SRRM3: variants seen among roughly 807,000 people sequenced by gnomAD.
SRRM3 encodes the protein serine/arginine repetitive matrix protein 3.
SRRM3 carries 27 observed loss-of-function variants against 66.2 expected under a neutral mutation model. The ratio of observed to expected loss-of-function variants is 0.41; its 90% CI spans 0.30 to 0.56. The LOEUF (loss-of-function observed/expected upper bound fraction) is 0.56, where lower values mean the gene tolerates loss of function less well. SRRM3 is among the 20% of genes least tolerant of loss of function. The pLI, the probability that SRRM3 is intolerant of heterozygous loss-of-function variation, is 0.32. For missense variants in SRRM3, 918 were observed against 991.9 expected (o/e 0.93, Z 1.00); for synonymous variants, 391 against 414.9 (o/e 0.94, Z 0.70).
intron 1 of SRRM3, among the ~76,000 whole-genome samples, chr7:76,217,537 G>A (rs1002966828): frequency 1.3e-5 from 2 of 152,052 alleles, no homozygotes; most frequent in African/African-American, 2.4e-5. Context: ...CACCCACCTC[G>A]GCCTCCCAAT....
intron 11 of SRRM3, among the ~76,000 whole-genome samples, chr7:76,279,434 C>T (rs1802440560): frequency 6.6e-6 from 1 of 151,298 alleles, no homozygotes; most frequent in Admixed American, 6.6e-5. Flanking sequence ...CCTGGAGGTG[C>T]TAAAAGTCAA....
intron 9 of SRRM3, 68 bp downstream of exon 9, chr7:76,264,883 T>A: frequency 6.5e-7 from 1 of 1,531,066 alleles, no homozygotes; most frequent in Non-Finnish European, 9.0e-7. Flanking sequence ...CTACGCCTTT[T>A]AGAATCACAG....
chr7:76,209,095 T>C lies in SRRM3; in HGVS notation c.-40+7028T>C, dbSNP rs529084549. Among the ~76,000 whole-genome samples the C allele has an allele frequency of 7.9e-5, 12 of 152,150 alleles. No homozygotes were observed. In the East Asian group the frequency reaches 2.3e-3, roughly 29 times the overall value. On this transcript the variant is annotated intron_variant, in intron 1 of 14. Transcript: ENST00000611745. Reference sequence around the variant, plus strand: ...GCCTGGGTGACAGAGCAAGATCCTGTCTCCAAAAAAGCACCCCAGGAAGGG... The same window carrying C: ...GCCTGGGTGACAGAGCAAGATCCTGCCTCCAAAAAAGCACCCCAGGAAGGG...
rs1802562277 is a variant in SRRM3 at position 76,282,825 on chromosome 7, G to A, written c.1548G>A (p.Arg516=). The change falls in exon 13 of 15, where the codon CGG becomes CGA. Residue 516 remains arginine (R), a synonymous_variant. Transcript: ENST00000611745. Reference sequence around the variant, plus strand: ...CTCGCTCGCGCTCTGCGGAGAAGCGGCCCCACAGCCCCAGCCGCTCGCCGT... The same window carrying A: ...CTCGCTCGCGCTCTGCGGAGAAGCGACCCCACAGCCCCAGCCGCTCGCCGT... The part of the protein sequence containing the change: ...SKSRSRSAEK[R]PHSPSRSPSP... The A allele has an allele frequency of 1.4e-6, 2 of 1,459,812 alleles. No individual in the cohort carries two copies. The highest frequency in any genetic ancestry group is 1.8e-6 in the Non-Finnish European group (2 of 1,111,422). The allele number at this position is 1,459,812 out of a possible 1,614,324, so 90.4% of individuals were successfully genotyped here. A position where few individuals can be genotyped will look rare whatever the true frequency, so the allele number is the denominator to read the frequency against.
intron 10 of SRRM3, among the ~76,000 whole-genome samples, chr7:76,266,259 T>TATATATATAA (rs1554609604): frequency 4.1e-4 from 50 of 121,662 alleles, no homozygotes; most frequent in Non-Finnish European, 5.2e-4. Flanking sequence ...ATATATTTAA[T>TATATATATAA]ATATTTATAT....
intron 11 of SRRM3, among the ~76,000 whole-genome samples, chr7:76,279,943 G>A (rs1472120987): frequency 2.0e-5 from 3 of 152,036 alleles, no homozygotes; most frequent in African/African-American, 4.8e-5. Flanking sequence ...CCTAGAATGG[G>A]GTGGTTGCGT....
intron 1 of SRRM3, 187 bp from the exon 2 acceptor site, chr7:76,234,841 C>A: frequency 1.8e-6 from 1 of 547,820 alleles, no homozygotes; most frequent in Non-Finnish European, 3.2e-6. Flanking sequence ...CAGTGTCCAA[C>A]CCACTCGTGC....
At chr7:76,216,867 G>T (rs1800582680) in intron 1 of SRRM3, among the ~76,000 whole-genome samples, 1 of 152,206 alleles carries the variant, frequency 6.6e-6, no homozygotes, top group South Asian at 2.1e-4. Flanking sequence ...CGATGGGAAA[G>T]TCAGTGATGC....
chr7:76,212,357 ATGTTGCCCAGGCTAGTCT>A (rs1800455085), intron 1 of SRRM3, among the ~76,000 whole-genome samples: 1 of 122,586 alleles, frequency 8.2e-6, no homozygotes. Context: ...GTGTTTTGCT[ATGTTGCCCAGGCTAGTCT>A]TGAACTCCTG....
rs111237063 is a variant in SRRM3 at position 76,277,019 on chromosome 7, G to C, written c.1009-4422G>C. Among the ~76,000 whole-genome samples, 293 of 152,330 alleles carry C rather than the reference G, an allele frequency of 1.9e-3. 9 individuals carry two copies. The South Asian group carries it at 0.036, about 19-fold the overall frequency. On this transcript the variant is annotated intron_variant, in intron 11 of 14. Transcript: ENST00000611745. ...CACCGTCAGGTGACTGCCTTAAGGC[G>C]TCACAACAAACTCACACCAGGGCCG...
In SRRM3 at chr7:76,261,456, G is replaced by A. The variant is rs190773164; in HGVS notation, c.638+42G>A. On this transcript the variant is annotated intron_variant, in intron 7 of 14. Transcript: ENST00000611745. ...CACCCTGGGGCCTCCTCTTCCTCCC[G>A]TGGGGCCCAGGGCCAGGGCTGTGGC... 547 of 1,598,562 alleles carry A rather than the reference G, an allele frequency of 3.4e-4. 1 individual carries two copies. The highest frequency in any genetic ancestry group is 2.8e-3 in the Middle Eastern group (17 of 6,052).
intron 1 of SRRM3, among the ~76,000 whole-genome samples, chr7:76,213,586 C>T (rs1182517191): frequency 6.6e-6 from 1 of 152,068 alleles, no homozygotes; most frequent in Admixed American, 6.6e-5. Context: ...GTTGTCAGTG[C>T]AAGCATGGGG....
At chr7:76,226,312 A>T (rs1800863133) in intron 1 of SRRM3, among the ~76,000 whole-genome samples, 1 of 152,190 alleles carries the variant, frequency 6.6e-6, no homozygotes, top group Admixed American at 6.5e-5. Context: ...CCCAGCCAGG[A>T]GGCTGGGAAA....
intron 8 of SRRM3, among the ~76,000 whole-genome samples, chr7:76,262,307 A>C (rs1801894128): frequency 6.6e-6 from 1 of 151,960 alleles, no homozygotes; most frequent in African/African-American, 2.4e-5. Flanking sequence ...GGAGTTTGAC[A>C]CCAGCCTGGA....
rs1391478269 is a variant in SRRM3 at position 76,262,015 on chromosome 7, G to A, written c.674+434G>A. On this transcript the variant is annotated intron_variant, in intron 8 of 14. Coordinates refer to ENST00000611745, the MANE Select transcript of SRRM3 (RefSeq NM_001110199.3). ...CTAGAGGTAGAGTTTCTCGGGGACA[G>A]GTGCTAGCCTCCCAACAGGTTTGAC... Among the ~76,000 whole-genome samples, 7 of 152,106 alleles carry A rather than the reference G, an allele frequency of 4.6e-5. 1 individual carries two copies. Among genetic ancestry groups the A allele is most frequent in the African/African-American group, 1.7e-4 (7 of 41,508 alleles).
intron 1 of SRRM3, among the ~76,000 whole-genome samples, chr7:76,225,495 C>T (rs1013973648): frequency 1.4e-5 from 2 of 143,960 alleles, no homozygotes; most frequent in African/African-American, 5.2e-5. Context: ...CTTTCCCCGG[C>T]AAAAGAGGCT....
intron 1 of SRRM3, among the ~76,000 whole-genome samples, chr7:76,204,819 T>C (rs1264306652): frequency 6.6e-6 from 1 of 152,114 alleles, no homozygotes; most frequent in African/African-American, 2.4e-5. Flanking sequence ...ACACTTGTAA[T>C]CCTAACACTT....
Position 76,279,393 on chromosome 7 carries a change from G to A in SRRM3, c.1009-2048G>A, listed in dbSNP as rs148313821. On this transcript the variant is annotated intron_variant, in intron 11 of 14. Coordinates refer to ENST00000611745, the MANE Select transcript of SRRM3 (RefSeq NM_001110199.3). ...GCCAAGTTCGGTGATAAAAAGTGAT[G>A]TTACAGAGGTGAATCAGATACCACA... Among the ~76,000 whole-genome samples the A allele has an allele frequency of 1.2e-3, 187 of 152,028 alleles. 9 individuals are homozygous for A. In the South Asian group the frequency reaches 0.034, roughly 28 times the overall value.
intron 1 of SRRM3, among the ~76,000 whole-genome samples, chr7:76,233,422 T>G (rs1414249831): frequency 2.6e-5 from 4 of 152,188 alleles, no homozygotes; most frequent in African/African-American, 7.2e-5. Flanking sequence ...CTGGCTCAGA[T>G]GACCAACAGA....
Sources: gnomAD v4.1 joint callset for allele counts (sites outside exome capture counted in the v4.1 genomes callset) on GRCh38, gnomAD v4.1.1 for gene constraint, MANE v1.5 for transcripts, NCBI Gene and HGNC (gene_info 2026-07-23, HGNC 2026-07-21) for gene names.